AVPR1B: variants seen among roughly 807,000 people sequenced by gnomAD.
AVPR1B encodes vasopressin V1b receptor.
AVPR1B carries 25 observed loss-of-function variants against 27.5 expected under a neutral mutation model. The ratio of observed to expected loss-of-function variants is 0.91; its 90% CI spans 0.66 to 1.27. AVPR1B has a LOEUF of 1.27. AVPR1B is among the 50% of genes most tolerant of loss of function. The pLI is 0.00. For missense variants in AVPR1B, 595 were observed against 556.9 expected (o/e 1.07, Z -0.69); for synonymous variants, 248 against 240.2 (o/e 1.03, Z -0.30).
chr1:206,115,929 C>T, intron 1 of AVPR1B, 22 bp downstream of exon 1: 1 of 1,571,962 alleles, frequency 6.4e-7, no homozygotes, highest in Non-Finnish European at 8.7e-7. Flanking sequence ...CACCTCACTG[C>T]CCCCACATAG....
Position 206,116,141 on chromosome 1 carries a change from G to A in AVPR1B, c.750C>T (p.Pro250=). The change falls in exon 1 of 2, where the codon CCC becomes CCT. Residue 250 remains proline (P), a synonymous_variant. Transcript: ENST00000367126. ...GGGGWRTWDR[P]SPSTLAATTR... ...TGGTGGCAGCTAAGGTGGAAGGTGA[G>A]GGCCTGTCCCAAGTCCTCCAGCCCC... 1.2e-6 allele frequency: 2 copies of A among 1,614,098 alleles called. No individual in the cohort carries two copies. The highest frequency in any genetic ancestry group is 1.7e-5 in the Admixed American group (1 of 60,032).
In AVPR1B at chr1:206,108,040, C is replaced by T. The variant is rs1179442947; in HGVS notation, c.*2149G>A. Among the ~76,000 whole-genome samples the T allele has an allele frequency of 6.6e-6, 1 of 152,156 alleles. No homozygotes were observed. The highest frequency in any genetic ancestry group is 1.5e-5 in the Non-Finnish European group (1 of 68,032). ...TCTTTGGGGCACACAGCTGGTGTTC[C>T]TTCTACCTCCCAGTCATCATGAAGA... is the stretch of plus-strand genomic sequence containing the variant. On this transcript the variant is annotated 3_prime_UTR_variant, in exon 2 of 2. Transcript: ENST00000367126.
intron 1 of AVPR1B, among the ~76,000 whole-genome samples, chr1:206,112,084 A>G (rs1359259463): frequency 4.6e-5 from 7 of 152,136 alleles, no homozygotes; most frequent in Non-Finnish European, 2.9e-5. Context: ...AGTCCCAGCT[A>G]CTTGGGAGGC....
chr1:206,109,944 G>A lies in AVPR1B; in HGVS notation c.*245C>T, dbSNP rs1663342524. 3 of 546,064 alleles carry A rather than the reference G, an allele frequency of 5.5e-6. No individual in the cohort carries two copies. The highest frequency in any genetic ancestry group is 9.8e-6 in the Non-Finnish European group (3 of 306,930). The allele number at this position is 546,064 out of a possible 1,614,324, so 33.8% of individuals were successfully genotyped here. A position where few individuals can be genotyped will look rare whatever the true frequency, so the allele number is the denominator to read the frequency against. On this transcript the variant is annotated 3_prime_UTR_variant, in exon 2 of 2. Coordinates refer to ENST00000367126, the MANE Select transcript of AVPR1B (RefSeq NM_000707.5). ...ACACCCTATGAATATGGCAGGACCA[G>A]GGAGACAGGCAGTTTGATTCTCCCT...
chr1:206,109,727 A>C lies in AVPR1B; in HGVS notation c.*462T>G. 6.2e-6 allele frequency: 1 copy of C among 160,434 alleles called. No homozygotes were observed. Among genetic ancestry groups the C allele is most frequent in the Non-Finnish European group, 1.3e-5 (1 of 74,436 alleles). 9.9% of individuals were successfully genotyped at this position (160,434 alleles called of 1,614,324 possible). ...CAACAACAACAACAACAACAAATCCAGGATCCAAATAGAGTCCTCCTCACG... is the reference window on the plus strand; with the variant it reads ...CAACAACAACAACAACAACAAATCCCGGATCCAAATAGAGTCCTCCTCACG... On this transcript the variant is annotated 3_prime_UTR_variant, in exon 2 of 2. Transcript: ENST00000367126.
chr1:206,112,990 G>A (rs1255590179), intron 1 of AVPR1B, among the ~76,000 whole-genome samples: 1 of 152,208 alleles, frequency 6.6e-6, no homozygotes, highest in African/African-American at 2.4e-5. Flanking sequence ...ACTACAAGTT[G>A]CGGAAGATTT....
In AVPR1B at chr1:206,116,833, G is replaced by A. The variant is rs1553290623; in HGVS notation, c.58C>T (p.Pro20Ser). Residue 20 changes from proline (P) to serine (S), a missense_variant, in exon 1 of 2, where the codon CCC becomes TCC. Physicochemically the swap from Pro to Ser is moderately conservative, Grantham distance 74. Coordinates refer to ENST00000367126, the MANE Select transcript of AVPR1B (RefSeq NM_000707.5). ...NPTPRGTLSAPNATTPWLGRD... is the reference protein window; with the variant it reads ...NPTPRGTLSASNATTPWLGRD... ...CCCAGCCAGGGTGTTGTGGCATTGG[G>A]GGCAGAGAGGGTGCCCCGAGGGGTG... 1 of 1,614,024 alleles carries A rather than the reference G, an allele frequency of 6.2e-7. No individual in the cohort carries two copies. The highest frequency in any genetic ancestry group is 1.7e-5 in the Admixed American group (1 of 60,012).
rs782588190 is a variant in AVPR1B, at chr1:206,110,306, C to T, written c.1158G>A (p.Pro386=). ...HTTLLTRSSC[P]ATLSLSLSLT... ...GGCTGAGGCTGAGGCTGAGGGTGGCCGGGCAGCTGGAGCGGGTCAGCAGCG... is the reference window on the plus strand; with the variant it reads ...GGCTGAGGCTGAGGCTGAGGGTGGCTGGGCAGCTGGAGCGGGTCAGCAGCG... The change falls in exon 2 of 2, where the codon CCG becomes CCA. Residue 386 remains proline (P), a synonymous_variant. Coordinates refer to ENST00000367126, the MANE Select transcript of AVPR1B (RefSeq NM_000707.5). The T allele has an allele frequency of 2.5e-5, 41 of 1,613,620 alleles. No homozygotes were observed. Among genetic ancestry groups the T allele is most frequent in the South Asian group, 1.1e-4 (10 of 91,028 alleles).
intron 1 of AVPR1B, among the ~76,000 whole-genome samples, chr1:206,111,279 T>A (rs1394148682): frequency 6.9e-6 from 1 of 144,952 alleles, no homozygotes; most frequent in African/African-American, 2.8e-5. Flanking sequence ...AGGGAAAAAC[T>A]AATTTCTCTC....
rs1663477833 is a variant in AVPR1B at position 206,116,571 on chromosome 1, C to A, written c.320G>T (p.Cys107Phe). The change falls in exon 1 of 2, where the codon TGC becomes TTC. Residue 107 changes from cysteine (C) to phenylalanine (F), a missense_variant. Cys to Phe is a radical substitution (Grantham distance 205). Coordinates refer to ENST00000367126, the MANE Select transcript of AVPR1B (RefSeq NM_000707.5). ...TYRFQGPDLL[C>F]RAVKYLQVLS... is the part of the protein sequence containing the mutation. ...CACCTGCAGGTACTTGACGGCCCTG[C>A]ACAGGAGGTCGGGGCCCTGGAAGCG... The A allele has an allele frequency of 7.4e-6, 12 of 1,614,142 alleles. No individual in the cohort carries two copies. The highest frequency in any genetic ancestry group is 1.0e-5 in the Non-Finnish European group (12 of 1,180,024).
chr1:206,107,444 T>C lies in AVPR1B; in HGVS notation c.*2745A>G, dbSNP rs1478076979. ...GCCTCCTACAGGTCCTGCAGAACTT[T>C]CACTCATAGATCCGATGAGATCCAC... On this transcript the variant is annotated 3_prime_UTR_variant, in exon 2 of 2. Transcript: ENST00000367126. Among the ~76,000 whole-genome samples the C allele has an allele frequency of 6.6e-6, 1 of 152,118 alleles. No individual in the cohort carries two copies. Among genetic ancestry groups the C allele is most frequent in the African/African-American group, 2.4e-5 (1 of 41,404 alleles).
At position 206,115,982 on chromosome 1, in the gene AVPR1B, C is replaced by G. The variant is rs781979852; in HGVS notation, c.909G>C (p.Trp303Cys). The change falls in exon 1 of 2, where the codon TGG becomes TGC. Residue 303 changes from tryptophan (W) to cysteine (C), a missense_variant. Coordinates refer to ENST00000367126, the MANE Select transcript of AVPR1B (RefSeq NM_000707.5). ...CWAPFFSVQM[W>C]SVWDKNAPDE... ...CAGGGGCATTCTTGTCCCACACGGA[C>G]CACATCTGGACACTGAAGAAGGGAG... 1 of 1,610,854 alleles carries G rather than the reference C, an allele frequency of 6.2e-7. No individual in the cohort carries two copies. The highest frequency in any genetic ancestry group is 8.5e-7 in the Non-Finnish European group (1 of 1,177,628).
intron 1 of AVPR1B, 62 bp downstream of exon 1, chr1:206,115,889 T>G: frequency 6.6e-7 from 1 of 1,509,554 alleles, no homozygotes; most frequent in Non-Finnish European, 8.9e-7. Context: ...AACCCTGACC[T>G]AATCCCCCAT....
chr1:206,116,879 C>A lies in AVPR1B; in HGVS notation c.12G>T (p.Gly4=). Residue 4 remains glycine, a synonymous_variant, in exon 1 of 2, where the codon GGG becomes GGT. Coordinates refer to ENST00000367126, the MANE Select transcript of AVPR1B (RefSeq NM_000707.5). MDS[G]PLWDANPTPR... ...GGGTGGGGTTGGCATCCCACAGAGG[C>A]CCAGAATCCATGAGCAAGGTTTGCT... is the stretch of plus-strand genomic sequence containing the variant. 3 of 1,609,666 alleles carry A rather than the reference C, an allele frequency of 1.9e-6. No individual in the cohort carries two copies. The highest frequency in any genetic ancestry group is 2.5e-6 in the Non-Finnish European group (3 of 1,177,742).
rs891665220 is a variant in AVPR1B at position 206,107,275 on chromosome 1, C to T, written c.*2914G>A. Among the ~76,000 whole-genome samples the T allele has an allele frequency of 6.6e-5, 10 of 152,292 alleles. No individual in the cohort carries two copies. In the South Asian group the frequency reaches 1.0e-3, roughly 16 times the overall value. On this transcript the variant is annotated 3_prime_UTR_variant, in exon 2 of 2. Transcript: ENST00000367126. ...ATTTACACAAGTGCCCAGCCAGAGA[C>T]GGCATTGTTCAGTTTCTCCTGGGGT...
At chr1:206,110,761 G>A (rs1663363876) in intron 1 of AVPR1B, among the ~76,000 whole-genome samples, 1 of 152,202 alleles carries the variant, frequency 6.6e-6, no homozygotes. Flanking sequence ...TAACTGCAGG[G>A]TGAAGGTAGG....
Position 206,116,342 on chromosome 1 carries a change from C to T in AVPR1B, c.549G>A (p.Val183=). 6.2e-7 allele frequency: 1 copy of T among 1,613,582 alleles called. No individual in the cohort carries two copies. The highest frequency in any genetic ancestry group is 1.3e-5 in the African/African-American group (1 of 75,064). Reference sequence around the variant, plus strand: ...AGCCGAAGTCTGCCCAGCAGTCCAGCACCCCTGAGCCCTGGATCACCTCCC... The same window carrying T: ...AGCCGAAGTCTGCCCAGCAGTCCAGTACCCCTGAGCCCTGGATCACCTCCC... ...SLREVIQGSG[V]LDCWADFGFP... The change falls in exon 1 of 2, where the codon GTG becomes GTA. Residue 183 remains valine, a synonymous_variant. Transcript: ENST00000367126.
At position 206,110,004 on chromosome 1, in the gene AVPR1B, C is replaced by CA; in HGVS notation, c.*184dup. On this transcript the variant is annotated 3_prime_UTR_variant, in exon 2 of 2. Transcript: ENST00000367126. ...TGTCTGAGATTGGGAGCTTATGAGG[C>CA]AGCCCTCACACTAGGGGCAGCTGTG... is the stretch of plus-strand genomic sequence containing the variant. 1 of 638,440 alleles carries CA rather than the reference C, an allele frequency of 1.6e-6. No individual in the cohort carries two copies. The highest frequency in any genetic ancestry group is 2.7e-6 in the Non-Finnish European group (1 of 374,302). The allele number at this position is 638,440 out of a possible 1,614,324, so 39.5% of individuals were successfully genotyped here. A position where few individuals can be genotyped will look rare whatever the true frequency, so the allele number is the denominator to read the frequency against.
intron 1 of AVPR1B, among the ~76,000 whole-genome samples, chr1:206,112,039 T>C (rs28499431): frequency 0.25 from 37,450 of 151,908 alleles, 7,028 homozygotes; most frequent in African/African-American, 0.53. Flanking sequence ...ACTAAAAATA[T>C]GGAAAATTAG....
Sources: gnomAD v4.1 joint callset for allele counts (sites outside exome capture counted in the v4.1 genomes callset) on GRCh38, gnomAD v4.1.1 for gene constraint, MANE v1.5 for transcripts, NCBI Gene and HGNC (gene_info 2026-07-23, HGNC 2026-07-21) for gene names.